RAPGEF5: variants seen among roughly 807,000 people sequenced by gnomAD.
RAPGEF5 encodes the protein M-Ras-regulated GEF.
Under a neutral mutation model 125.2 loss-of-function variants are expected in RAPGEF5, and 65 were observed. The observed-to-expected ratio is 0.52, with a 90% CI of 0.43 to 0.64. RAPGEF5 has a LOEUF of 0.64. RAPGEF5 is among the 30% of genes least tolerant of loss of function. The probability of loss-of-function intolerance (pLI) is 0.00; values close to 1 mark genes in which losing one functional copy is unlikely to be tolerated. For synonymous variants in RAPGEF5, 391 were observed against 385.9 expected, an observed-to-expected ratio of 1.01 and a Z score of -0.16; for missense variants, 958 against 1,048.1, an observed-to-expected ratio of 0.91 and a Z score of 1.19.
chr7:22,179,084 T>G (rs1479044746), intron 11 of RAPGEF5, among the ~76,000 whole-genome samples: 1 of 152,152 alleles, frequency 6.6e-6, no homozygotes, highest in Admixed American at 6.6e-5. Flanking sequence ...AATTCCATGG[T>G]TTTAAGAGCT....
At chr7:22,269,530 G>C (rs947897619) in intron 6 of RAPGEF5, among the ~76,000 whole-genome samples, 6 of 152,116 alleles carry the variant, frequency 3.9e-5, no homozygotes, top group African/African-American at 1.4e-4. Flanking sequence ...AAGGACCGAG[G>C]GGAGAGAAAA....
At chr7:22,243,335 C>T (rs1320985183) in intron 7 of RAPGEF5, among the ~76,000 whole-genome samples, 1 of 152,206 alleles carries the variant, frequency 6.6e-6, no homozygotes, top group Non-Finnish European at 1.5e-5. Flanking sequence ...CAGCTCACTG[C>T]AACCACTGTC....
chr7:22,193,575 C>T (rs1288502472), intron 10 of RAPGEF5, 120 bp from the exon 11 acceptor site: 1 of 1,551,562 alleles, frequency 6.4e-7, no homozygotes, highest in South Asian at 1.2e-5. Flanking sequence ...CGAAGGTAGG[C>T]AAGGGCAGCT....
intron 7 of RAPGEF5, among the ~76,000 whole-genome samples, chr7:22,258,916 C>A (rs1486193948): frequency 6.6e-6 from 1 of 152,076 alleles, no homozygotes; most frequent in African/African-American, 2.4e-5. Context: ...AACTCCTAGA[C>A]TATAACATAG....
chr7:22,260,141 A>G (rs1165311735), intron 7 of RAPGEF5, among the ~76,000 whole-genome samples: 1 of 152,210 alleles, frequency 6.6e-6, no homozygotes, highest in African/African-American at 2.4e-5. Flanking sequence ...ATAGAGTTGA[A>G]TAAGTGGAGC....
intron 7 of RAPGEF5, among the ~76,000 whole-genome samples, chr7:22,258,753 A>G (rs1782072399): frequency 6.6e-6 from 1 of 152,136 alleles, no homozygotes; most frequent in Non-Finnish European, 1.5e-5. Flanking sequence ...AATAGGGAAA[A>G]GACTGTCTTT....
intron 7 of RAPGEF5, among the ~76,000 whole-genome samples, chr7:22,239,720 T>C (rs1786277025): frequency 6.6e-6 from 1 of 152,184 alleles, no homozygotes; most frequent in Admixed American, 6.5e-5. Flanking sequence ...AGATTTAATA[T>C]ACGTCCATTC....
At position 22,267,081 on chromosome 7, in the gene RAPGEF5, G is replaced by C. The variant is rs565704284; in HGVS notation, c.748-69C>G. 297 of 1,414,290 alleles carry C rather than the reference G, an allele frequency of 2.1e-4. No individual in the cohort carries two copies. In the African/African-American group the frequency reaches 3.7e-3, roughly 18 times the overall value. 87.6% of individuals were successfully genotyped at this position (1,414,290 alleles called of 1,614,324 possible). ...ATGTAGCCATCAAAAGCAGTACTTT[G>C]TTCTTAGATATCCAACCCAAATTCA... On this transcript the variant is annotated intron_variant, in intron 6 of 25. Transcript: ENST00000665637.
chr7:22,283,198 CT>C (rs780201343), intron 6 of RAPGEF5, among the ~76,000 whole-genome samples: 13 of 151,972 alleles, frequency 8.6e-5, no homozygotes, highest in Non-Finnish European at 1.5e-4. Flanking sequence ...CAAATGTCAA[CT>C]AAACAAAAAG....
intron 11 of RAPGEF5, among the ~76,000 whole-genome samples, chr7:22,178,066 C>A (rs909885690): frequency 8.6e-5 from 13 of 152,004 alleles, no homozygotes; most frequent in African/African-American, 3.1e-4. Context: ...CTGGCCATAG[C>A]AAATAGATAC....
At chr7:22,174,600 T>C (rs925932495) in intron 11 of RAPGEF5, among the ~76,000 whole-genome samples, 11 of 152,178 alleles carry the variant, frequency 7.2e-5, no homozygotes, top group Non-Finnish European at 1.5e-4. Flanking sequence ...GTAGTAGTAA[T>C]AGAAGAGATC....
chr7:22,315,987 A>G (rs146096465), intron 2 of RAPGEF5, among the ~76,000 whole-genome samples: 9 of 152,232 alleles, frequency 5.9e-5, no homozygotes, highest in East Asian at 1.9e-4. Flanking sequence ...GCTTCATTCA[A>G]CTGCAGAGTT....
chr7:22,136,032 C>G lies in RAPGEF5; in HGVS notation c.2416+6G>C, dbSNP rs1218139896. On this transcript the variant is annotated splice_donor_region_variant and intron_variant, in intron 23 of 25. Coordinates refer to ENST00000665637, the MANE Select transcript of RAPGEF5 (RefSeq NM_012294.5). ...TTACATGGCATAAAAGATAGAAAAT[C>G]ATTACCTTTAAGCAATAAGGGCATG... is the stretch of plus-strand genomic sequence containing the variant. The G allele has an allele frequency of 1.3e-6, 2 of 1,581,268 alleles. No homozygotes were observed. Among genetic ancestry groups the G allele is most frequent in the Non-Finnish European group, 1.7e-6 (2 of 1,154,230 alleles).
chr7:22,204,720 GTT>G (rs1404725908), intron 9 of RAPGEF5, among the ~76,000 whole-genome samples: 1 of 152,168 alleles, frequency 6.6e-6, no homozygotes, highest in Non-Finnish European at 1.5e-5. Context: ...TCATTTCACA[GTT>G]TGAAACAAGG....
intron 6 of RAPGEF5, among the ~76,000 whole-genome samples, chr7:22,283,664 G>A (rs1309597297): frequency 6.6e-6 from 1 of 152,124 alleles, no homozygotes; most frequent in African/African-American, 2.4e-5. Flanking sequence ...TATCCAAATT[G>A]AGAGTCAAAT....
chr7:22,291,582 G>A (rs1472333084), intron 5 of RAPGEF5, among the ~76,000 whole-genome samples: 1 of 152,212 alleles, frequency 6.6e-6, no homozygotes, highest in African/African-American at 2.4e-5. Context: ...AGGTGGTTAA[G>A]TGCTGAAATT....
intron 5 of RAPGEF5, among the ~76,000 whole-genome samples, chr7:22,303,064 T>C (rs1303474712): frequency 6.6e-6 from 1 of 152,134 alleles, no homozygotes; most frequent in Non-Finnish European, 1.5e-5. Context: ...TGAATTGAAA[T>C]AGTCAAGTTC....
chr7:22,316,663 G>GT (rs1783606789), intron 2 of RAPGEF5, among the ~76,000 whole-genome samples: 1 of 149,994 alleles, frequency 6.7e-6, no homozygotes, highest in African/African-American at 2.5e-5. Context: ...GCTAATATTT[G>GT]TTTTTTGTTT....
intron 5 of RAPGEF5, among the ~76,000 whole-genome samples, chr7:22,304,710 T>G (rs1783292617): frequency 6.6e-6 from 1 of 152,228 alleles, no homozygotes; most frequent in African/African-American, 2.4e-5. Context: ...AAGGAGCTGC[T>G]GAAGAACGCC....
Sources: allele counts gnomAD v4.1 joint callset (sites outside exome capture counted in the v4.1 genomes callset), GRCh38; gene constraint gnomAD v4.1.1; transcripts MANE v1.5; gene names NCBI Gene and HGNC (gene_info 2026-07-23, HGNC 2026-07-21).